SHISA9: variants seen among roughly 807,000 people sequenced by gnomAD.
SHISA9 encodes shisa family member 9, also known as protein shisa-9.
Under a neutral mutation model 38.0 loss-of-function variants are expected in SHISA9, and 13 were observed. The observed-to-expected ratio is 0.34, with a 90% CI of 0.22 to 0.54. SHISA9 has a LOEUF of 0.54. Ranked by LOEUF, SHISA9 falls within the 20% of genes least tolerant of loss-of-function variation. The pLI is 0.91. For synonymous variants in SHISA9, 275 were observed against 242.0 expected, an observed-to-expected ratio of 1.14 and a Z score of -1.27; for missense variants, 538 against 575.8, an observed-to-expected ratio of 0.93 and a Z score of 0.67.
At chr16:13,096,673 C>G (rs1352879867) in intron 2 of SHISA9, among the ~76,000 whole-genome samples, 1 of 152,170 alleles carries the variant, frequency 6.6e-6, no homozygotes, top group African/African-American at 2.4e-5. Context: ...TTCTTGGAGT[C>G]AAGGCAGAGT....
chr16:12,998,500 A>C (rs1022716709), intron 2 of SHISA9, among the ~76,000 whole-genome samples: 1 of 152,144 alleles, frequency 6.6e-6, no homozygotes, highest in East Asian at 1.9e-4. Flanking sequence ...GATGTTTTTC[A>C]TAGCACCTTC....
chr16:13,475,088 A>C, the SHISA9 span, among the ~76,000 whole-genome samples: 1 of 152,180 alleles, frequency 6.6e-6, no homozygotes, highest in Non-Finnish European at 1.5e-5. Context: ...TGAAAGTAAG[A>C]AAATGAATTA....
At chr16:13,452,076 G>A in the SHISA9 span, among the ~76,000 whole-genome samples, 7 of 152,162 alleles carry the variant, frequency 4.6e-5, no homozygotes, top group Non-Finnish European at 1.0e-4. Context: ...CCAGGAAATA[G>A]GTGTGCTGCA....
At chr16:13,458,471 C>G in the SHISA9 span, 1 of 390,230 alleles carries the variant, frequency 2.6e-6, no homozygotes, top group South Asian at 2.1e-5. Flanking sequence ...GGGGAAATTA[C>G]TCATTTACAG....
chr16:13,076,197 A>C (rs2073579870), intron 2 of SHISA9, among the ~76,000 whole-genome samples: 1 of 151,948 alleles, frequency 6.6e-6, no homozygotes, highest in Non-Finnish European at 1.5e-5. Flanking sequence ...CACCTGGCTA[A>C]GTTTTGTATT....
intron 2 of SHISA9, among the ~76,000 whole-genome samples, chr16:12,930,034 T>A (rs2071443356): frequency 6.6e-6 from 1 of 152,150 alleles, no homozygotes; most frequent in Admixed American, 6.6e-5. Context: ...AGGTCACTGT[T>A]TTATTTTCAT....
the SHISA9 span, among the ~76,000 whole-genome samples, chr16:13,476,270 G>A: frequency 3.9e-5 from 6 of 152,158 alleles, no homozygotes; most frequent in Non-Finnish European, 5.9e-5. Context: ...TCCAGGCAAT[G>A]AGAAGCCAGA....
the SHISA9 span, among the ~76,000 whole-genome samples, chr16:13,403,569 C>T: frequency 3.9e-5 from 6 of 152,128 alleles, no homozygotes; most frequent in Admixed American, 3.3e-4. Context: ...CTTCAAAACA[C>T]AGTGCTGGAA....
chr16:13,017,317 G>A (rs117467844), intron 2 of SHISA9, among the ~76,000 whole-genome samples: 2 of 152,190 alleles, frequency 1.3e-5, no homozygotes, highest in Non-Finnish European at 2.9e-5. Context: ...ACAGTGCCCG[G>A]CCTGTTCTTC....
intron 2 of SHISA9, among the ~76,000 whole-genome samples, chr16:13,188,716 CA>C (rs35558481): frequency 0.32 from 24,747 of 78,552 alleles, 1,296 homozygotes; most frequent in African/African-American, 0.4. Context: ...GACCCTGTTT[CA>C]AAAAAAAAAA....
chr16:13,418,779 T>A, the SHISA9 span, among the ~76,000 whole-genome samples: 1 of 152,210 alleles, frequency 6.6e-6, no homozygotes. Flanking sequence ...AGTAATAATC[T>A]AACCTTGAGA....
chr16:13,388,516 T>A, the SHISA9 span, among the ~76,000 whole-genome samples: 5,434 of 152,100 alleles, frequency 0.036, 169 homozygotes, highest in African/African-American at 0.088. Flanking sequence ...TTCACCATGT[T>A]GGCCGGGCTA....
intron 2 of SHISA9, among the ~76,000 whole-genome samples, chr16:13,016,564 TTTGTTG>T (rs759835697): frequency 6.6e-5 from 10 of 151,992 alleles, no homozygotes; most frequent in African/African-American, 1.7e-4. Flanking sequence ...GTAGTGGTTT[TTTGTTG>T]TTGTTGTTGT....
chr16:13,117,223 T>C (rs61493247), intron 2 of SHISA9, among the ~76,000 whole-genome samples: 6,889 of 152,214 alleles, frequency 0.045, 260 homozygotes, highest in East Asian at 0.17. Context: ...GATCCTCCCA[T>C]CTCGGCTTCC....
At position 13,136,396 on chromosome 16, in the gene SHISA9, CTTT is replaced by C. The variant is rs35122409; in HGVS notation, c.692-66976_692-66974del. The stretch of plus-strand genomic sequence containing the variant: ...GTTGTGTGAAATATACAGTTTCCTT[CTTT>C]TTTTTTTTTTTTTTTTTTTTTGGAG... On this transcript the variant is annotated intron_variant, in intron 2 of 4. Coordinates refer to ENST00000558583, the MANE Select transcript of SHISA9 (RefSeq NM_001145204.3). Among the ~76,000 whole-genome samples, 534 of 68,096 alleles carry C rather than the reference CTTT, an allele frequency of 7.8e-3. 1 individual carries two copies. Among genetic ancestry groups the C allele is most frequent in the African/African-American group, 0.032 (505 of 15,946 alleles). 44.7% of individuals were successfully genotyped at this position (68,096 alleles called of 152,430 possible). A position where few individuals can be genotyped will look rare whatever the true frequency, so the allele number is the denominator to read the frequency against.
At chr16:12,966,956 T>A (rs2071987433) in intron 2 of SHISA9, among the ~76,000 whole-genome samples, 1 of 152,168 alleles carries the variant, frequency 6.6e-6, no homozygotes, top group Admixed American at 6.5e-5. Context: ...GCCTCCTGGG[T>A]GCCAGGACTT....
At chr16:13,174,505 G>A (rs1294649908) in intron 2 of SHISA9, among the ~76,000 whole-genome samples, 1 of 152,210 alleles carries the variant, frequency 6.6e-6, no homozygotes, top group Non-Finnish European at 1.5e-5. Context: ...CCTGAATTAA[G>A]GCAGGCAAAC....
the SHISA9 span, among the ~76,000 whole-genome samples, chr16:13,459,248 C>G: frequency 3.1e-3 from 467 of 152,282 alleles, 4 homozygotes; most frequent in African/African-American, 0.011. Context: ...AAGTCACGTG[C>G]AGCCCTGGTG....
chr16:13,004,067 G>A (rs868582342), intron 2 of SHISA9, among the ~76,000 whole-genome samples: 1 of 152,180 alleles, frequency 6.6e-6, no homozygotes, highest in African/African-American at 2.4e-5. Context: ...GAGGATGTAA[G>A]GGTGGAGGCA....
Sources: gnomAD v4.1 joint callset for allele counts (sites outside exome capture counted in the v4.1 genomes callset) on GRCh38, gnomAD v4.1.1 for gene constraint, MANE v1.5 for transcripts, NCBI Gene and HGNC (gene_info 2026-07-23, HGNC 2026-07-21) for gene names.